PLPP1: variants seen among roughly 807,000 people sequenced by gnomAD.
The protein encoded by PLPP1 is lipid phosphate phosphohydrolase 1a.
PLPP1 carries 24 observed loss-of-function variants against 31.2 expected under a neutral mutation model. The observed-to-expected ratio is 0.77, with a 90% CI of 0.56 to 1.08. PLPP1 has a LOEUF of 1.08. Ranked by LOEUF, PLPP1 falls within the 50% of genes least tolerant of loss-of-function variation. The probability of loss-of-function intolerance (pLI) is 0.00; values close to 1 mark genes in which losing one functional copy is unlikely to be tolerated. For synonymous variants in PLPP1, 146 were observed against 126.3 expected (o/e 1.16, Z -1.05); for missense variants, 319 against 342.7 (o/e 0.93, Z 0.55).
intron 1 of PLPP1, among the ~76,000 whole-genome samples, chr5:55,498,230 G>T (rs772079802): frequency 6.6e-6 from 1 of 152,114 alleles, no homozygotes; most frequent in Non-Finnish European, 1.5e-5. Flanking sequence ...GCTATGAAAA[G>T]AGCTGTGTAA....
chr5:55,500,917 A>G (rs1753128315), intron 1 of PLPP1, among the ~76,000 whole-genome samples: 1 of 152,322 alleles, frequency 6.6e-6, no homozygotes, highest in East Asian at 1.9e-4. Flanking sequence ...CATCCATACT[A>G]TCCTTTTCCT....
intron 3 of PLPP1, among the ~76,000 whole-genome samples, chr5:55,465,235 G>C (rs1403245020): frequency 1.3e-5 from 2 of 152,066 alleles, no homozygotes; most frequent in Non-Finnish European, 2.9e-5. Flanking sequence ...AGTAGAGACA[G>C]GGTTTCACCA....
chr5:55,458,907 A>T (rs899359159), intron 3 of PLPP1, among the ~76,000 whole-genome samples: 2 of 149,282 alleles, frequency 1.3e-5, no homozygotes, highest in African/African-American at 4.9e-5. Context: ...AAAAAAAAAA[A>T]AAAAAAAAAC....
chr5:55,462,511 T>A (rs1267688949), intron 3 of PLPP1, among the ~76,000 whole-genome samples: 2 of 152,068 alleles, frequency 1.3e-5, no homozygotes, highest in East Asian at 3.8e-4. Flanking sequence ...ATCACAATAC[T>A]AAACAAATAA....
At chr5:55,493,149 C>A (rs536683652) in intron 1 of PLPP1, among the ~76,000 whole-genome samples, 4 of 151,854 alleles carry the variant, frequency 2.6e-5, no homozygotes, top group Middle Eastern at 3.2e-3. Flanking sequence ...CTCGTCTCTA[C>A]AAAAGAAATT....
intron 3 of PLPP1, among the ~76,000 whole-genome samples, chr5:55,461,418 C>T (rs1752151648): frequency 6.6e-6 from 1 of 151,924 alleles, no homozygotes; most frequent in African/African-American, 2.4e-5. Flanking sequence ...GTATAATACT[C>T]CATGACTAAG....
intron 1 of PLPP1, among the ~76,000 whole-genome samples, chr5:55,517,768 C>T (rs1443405300): frequency 6.6e-6 from 1 of 152,226 alleles, no homozygotes; most frequent in Non-Finnish European, 1.5e-5. Flanking sequence ...ATGATTAATC[C>T]TCCTTCCTCT....
chr5:55,428,281 CTAGTG>C (rs1751259387), intron 4 of PLPP1, among the ~76,000 whole-genome samples: 1 of 152,206 alleles, frequency 6.6e-6, no homozygotes, highest in Non-Finnish European at 1.5e-5. Context: ...TTTGGCTTCT[CTAGTG>C]ACAAACAGGC....
chr5:55,500,107 TCTCG>T (rs1466013623), intron 1 of PLPP1, among the ~76,000 whole-genome samples: 2 of 143,640 alleles, frequency 1.4e-5, no homozygotes, highest in East Asian at 4.1e-4. Flanking sequence ...TGAGACAGAG[TCTCG>T]CTCTGTCACC....
intron 1 of PLPP1, chr5:55,530,804 G>A (rs1375803359): frequency 3.1e-5 from 45 of 1,432,566 alleles, no homozygotes; most frequent in African/African-American, 5.6e-5. Context: ...GGCGCGGTCC[G>A]CACGGGCGTT....
intron 1 of PLPP1, among the ~76,000 whole-genome samples, chr5:55,529,470 C>CTT (rs1213209514): frequency 6.6e-6 from 1 of 151,938 alleles, no homozygotes; most frequent in East Asian, 1.9e-4. Context: ...ATATTCTAGG[C>CTT]TTACAAATCA....
chr5:55,505,055 T>C (rs949125371), intron 1 of PLPP1, among the ~76,000 whole-genome samples: 2 of 151,970 alleles, frequency 1.3e-5, no homozygotes, highest in African/African-American at 2.4e-5. Context: ...AAGTGATGCG[T>C]CCGCCTTGGC....
At chr5:55,486,573 C>T (rs1752779380) in intron 1 of PLPP1, among the ~76,000 whole-genome samples, 2 of 150,780 alleles carry the variant, frequency 1.3e-5, no homozygotes, top group Admixed American at 1.3e-4. Context: ...GCAACAGAGC[C>T]AGACTCCATC....
intron 2 of PLPP1, 49 bp downstream of exon 2, chr5:55,475,250 A>T: frequency 6.6e-7 from 1 of 1,506,658 alleles, no homozygotes; most frequent in Non-Finnish European, 9.0e-7. Context: ...ACAGAAAATT[A>T]AGCCAAGTGC....
At chr5:55,504,502 G>A (rs1753224474) in intron 1 of PLPP1, among the ~76,000 whole-genome samples, 1 of 129,616 alleles carries the variant, frequency 7.7e-6, no homozygotes, top group East Asian at 2.4e-4. Flanking sequence ...TCCAGTCTGG[G>A]AGACAGAGCA....
At chr5:55,497,733 G>C (rs747073354) in intron 1 of PLPP1, among the ~76,000 whole-genome samples, 21 of 152,146 alleles carry the variant, frequency 1.4e-4, no homozygotes, top group Admixed American at 3.9e-4. Context: ...TATTTACAAG[G>C]TGTGAAGGGT....
chr5:55,425,163 CTTTAGAAAACAGGCCAG>C lies in PLPP1; in HGVS notation c.*26_*42del. On this transcript the variant is annotated 3_prime_UTR_variant, in exon 6 of 6. Transcript: ENST00000307259. ...CTCTTGCCTTGTGGCAATCATTTTC[CTTTAGAAAACAGGCCAG>C]CTTCACCTGGGCACCCTGCTGCCTT... 6.3e-7 allele frequency: 1 copy of C among 1,586,140 alleles called. No individual in the cohort carries two copies. Among genetic ancestry groups the C allele is most frequent in the Non-Finnish European group, 8.5e-7 (1 of 1,170,052 alleles).
At chr5:55,528,757 T>C (rs572844127) in intron 1 of PLPP1, among the ~76,000 whole-genome samples, 12 of 152,342 alleles carry the variant, frequency 7.9e-5, no homozygotes, top group Admixed American at 5.9e-4. Context: ...AATATATGTA[T>C]ATATTAGCAG....
At chr5:55,513,712 A>G (rs975938850) in intron 1 of PLPP1, among the ~76,000 whole-genome samples, 7 of 152,272 alleles carry the variant, frequency 4.6e-5, no homozygotes, top group Admixed American at 1.3e-4. Context: ...GGCAGAGGTG[A>G]GAGGATCTCC....
Sources: allele counts gnomAD v4.1 joint callset (sites outside exome capture counted in the v4.1 genomes callset), GRCh38; gene constraint gnomAD v4.1.1; transcripts MANE v1.5; gene names NCBI Gene and HGNC (gene_info 2026-07-23, HGNC 2026-07-21).